Variants in CDC14A observed in about 807,000 individuals in gnomAD.
The protein encoded by CDC14A is dual specificity protein phosphatase CDC14A.
CDC14A carries 53 observed loss-of-function variants against 74.4 expected under a neutral mutation model. The ratio of observed to expected loss-of-function variants is 0.71; its 90% CI spans 0.57 to 0.89. CDC14A has a LOEUF of 0.89. Ranked by LOEUF, CDC14A falls within the 40% of genes least tolerant of loss-of-function variation. The pLI, the probability that CDC14A is intolerant of heterozygous loss-of-function variation, is 0.00. For synonymous variants in CDC14A, 247 were observed against 258.4 expected (o/e 0.96, Z 0.43); for missense variants, 646 against 713.7 (o/e 0.91, Z 1.08).
chr1:100,439,348 T>TA (rs1351073812), intron 5 of CDC14A, among the ~76,000 whole-genome samples: 3 of 152,214 alleles, frequency 2.0e-5, no homozygotes, highest in African/African-American at 7.2e-5. Flanking sequence ...TTGGCCTACA[T>TA]ACATTGTCTC....
intron 2 of CDC14A, among the ~76,000 whole-genome samples, chr1:100,361,027 A>T (rs1029443340): frequency 1.3e-5 from 2 of 152,090 alleles, no homozygotes; most frequent in Non-Finnish European, 2.9e-5. Context: ...CTCATTTGTA[A>T]GTTCATAAAC....
At chr1:100,428,841 G>A (rs906784923) in intron 5 of CDC14A, among the ~76,000 whole-genome samples, 1 of 151,998 alleles carries the variant, frequency 6.6e-6, no homozygotes, top group Admixed American at 6.6e-5. Context: ...TTGTTTATTG[G>A]TCCATATGTA....
At chr1:100,490,838 A>C (rs1480154171) in intron 11 of CDC14A, among the ~76,000 whole-genome samples, 1 of 152,240 alleles carries the variant, frequency 6.6e-6, no homozygotes, top group African/African-American at 2.4e-5. Context: ...ACAAATTTAA[A>C]TGATGAGATG....
chr1:100,441,853 T>C (rs886346904), intron 6 of CDC14A, among the ~76,000 whole-genome samples: 3 of 152,176 alleles, frequency 2.0e-5, no homozygotes, highest in Non-Finnish European at 4.4e-5. Flanking sequence ...GCTTCTTTCA[T>C]ATGAATTACC....
At chr1:100,504,917 T>C in intron 15 of CDC14A, 1 of 1,533,214 alleles carries the variant, frequency 6.5e-7, no homozygotes, top group Non-Finnish European at 8.7e-7. Flanking sequence ...ACCTCCCATG[T>C]CTTCTGTGAA....
chr1:100,347,115 C>A (rs1570918603), intron 1 of CDC14A, among the ~76,000 whole-genome samples: 1 of 152,106 alleles, frequency 6.6e-6, no homozygotes, highest in African/African-American at 2.4e-5. Flanking sequence ...CACTTTATGG[C>A]TAATGTGTAA....
intron 9 of CDC14A, among the ~76,000 whole-genome samples, chr1:100,465,229 C>A (rs894471316): frequency 6.6e-6 from 1 of 152,106 alleles, no homozygotes; most frequent in Non-Finnish European, 1.5e-5. Context: ...TCCCAAAGTG[C>A]GGGGATTACA....
At chr1:100,414,718 A>G (rs1661304145) in intron 4 of CDC14A, among the ~76,000 whole-genome samples, 1 of 152,150 alleles carries the variant, frequency 6.6e-6, no homozygotes, top group African/African-American at 2.4e-5. Flanking sequence ...TTTGCGTTTT[A>G]TATAAGGACT....
chr1:100,433,639 C>T (rs903402210), intron 5 of CDC14A, among the ~76,000 whole-genome samples: 1 of 152,108 alleles, frequency 6.6e-6, no homozygotes, highest in African/African-American at 2.4e-5. Context: ...CTTCTGTTCT[C>T]CATTCTTTCT....
At chr1:100,465,970 A>G (rs1351283125) in intron 9 of CDC14A, among the ~76,000 whole-genome samples, 1 of 152,242 alleles carries the variant, frequency 6.6e-6, no homozygotes, top group Admixed American at 6.5e-5. Flanking sequence ...TAAAGTTTTT[A>G]TAGAAACTTA....
chr1:100,410,612 CG>C (rs1417066945), intron 4 of CDC14A, among the ~76,000 whole-genome samples: 1 of 152,130 alleles, frequency 6.6e-6, no homozygotes, highest in Non-Finnish European at 1.5e-5. Flanking sequence ...CCACTGTGCC[CG>C]GCCAGATATA....
At chr1:100,407,130 G>T (rs536871552) in intron 4 of CDC14A, among the ~76,000 whole-genome samples, 2 of 152,192 alleles carry the variant, frequency 1.3e-5, no homozygotes, top group African/African-American at 4.8e-5. Flanking sequence ...GTCAGGTAGC[G>T]TGATGCCTCC....
At chr1:100,382,390 ATTTTTTTTTT>A (rs59014809) in intron 3 of CDC14A, among the ~76,000 whole-genome samples, 1 of 115,288 alleles carries the variant, frequency 8.7e-6, no homozygotes, top group Non-Finnish European at 1.8e-5. Flanking sequence ...CCAGCTAACT[ATTTTTTTTTT>A]TTTTTTTTTT....
Position 100,518,249 on chromosome 1 carries a change from A to G in CDC14A, c.1756-2A>G, listed in dbSNP as rs1279910448. ...CCTCAGTTTATGTCTCTCCCTGCAC[A>G]GTCCCTTCAGTCTGAATATGTTCAT... On this transcript the variant is annotated splice_acceptor_variant, in intron 15 of 15. Coordinates refer to ENST00000336454, the MANE Select transcript of CDC14A (RefSeq NM_003672.4). LOFTEE classifies it high-confidence loss of function. 1 of 1,610,776 alleles carries G rather than the reference A, an allele frequency of 6.2e-7. No individual in the cohort carries two copies. Among genetic ancestry groups the G allele is most frequent in the African/African-American group, 1.3e-5 (1 of 74,824 alleles).
At chr1:100,383,471 GA>G (rs1452361526) in intron 3 of CDC14A, 3 of 152,604 alleles carry the variant, frequency 2.0e-5, no homozygotes. Context: ...TACAGCCAAA[GA>G]ACATTTTCCA....
At chr1:100,467,864 C>A (rs1668001636) in intron 9 of CDC14A, 92 bp from the exon 10 acceptor site, 2 of 1,220,132 alleles carry the variant, frequency 1.6e-6, no homozygotes, top group Non-Finnish European at 2.3e-6. Context: ...CACTTGAATG[C>A]AGAGCAGTTT....
intron 4 of CDC14A, among the ~76,000 whole-genome samples, chr1:100,394,477 G>A (rs1658181534): frequency 6.6e-6 from 1 of 152,108 alleles, no homozygotes; most frequent in African/African-American, 2.4e-5. Flanking sequence ...CTTCATTTTA[G>A]CAGGGTGCCT....
intron 7 of CDC14A, among the ~76,000 whole-genome samples, chr1:100,443,524 A>G (rs28361231): frequency 6.6e-6 from 1 of 151,288 alleles, no homozygotes; most frequent in African/African-American, 2.4e-5. Flanking sequence ...TTTTAAAGAC[A>G]GGATTTCACC....
intron 2 of CDC14A, among the ~76,000 whole-genome samples, chr1:100,375,953 G>C (rs905392564): frequency 9.2e-5 from 14 of 152,266 alleles, no homozygotes; most frequent in African/African-American, 3.1e-4. Context: ...ATACACCATG[G>C]AATACTATGC....
Sources: allele counts gnomAD v4.1 joint callset (sites outside exome capture counted in the v4.1 genomes callset), GRCh38; gene constraint gnomAD v4.1.1; transcripts MANE v1.5; gene names NCBI Gene and HGNC (gene_info 2026-07-23, HGNC 2026-07-21).